Variants in NEXMIF observed in about 807,000 individuals in gnomAD.
NEXMIF encodes the protein XLMR protein related to neurite extension.
In NEXMIF, 8 loss-of-function variants were observed where a neutral mutation model predicts 62.1. That is an observed-to-expected ratio of 0.13 (90% CI 0.08 to 0.23). The LOEUF (loss-of-function observed/expected upper bound fraction) is 0.23, where lower values mean the gene tolerates loss of function less well. Ranked by LOEUF, NEXMIF falls within the 10% of genes least tolerant of loss-of-function variation. The probability of loss-of-function intolerance (pLI) is 1.00; values close to 1 mark genes in which losing one functional copy is unlikely to be tolerated. For synonymous variants in NEXMIF, 404 were observed against 416.6 expected (o/e 0.97, Z 0.37); for missense variants, 976 against 1,113.3 (o/e 0.88, Z 1.75).
At chrX:74,826,946 T>C (rs916070656) in intron 1 of NEXMIF, among the ~76,000 whole-genome samples, 8 of 111,972 alleles carry the variant, frequency 7.1e-5, no homozygotes, top group Non-Finnish European at 1.5e-4. Context: ...TATGGTACAG[T>C]ATAAAATTAG....
chrX:74,835,232 A>C (rs1415619362), intron 1 of NEXMIF, among the ~76,000 whole-genome samples: 2 of 111,820 alleles, frequency 1.8e-5, no homozygotes, highest in Non-Finnish European at 3.8e-5. Flanking sequence ...AATTTCTTTA[A>C]GTTTCCTCAA....
rs746858280 is a variant in NEXMIF at position 74,744,185 on chromosome X, G to A, written c.372C>T (p.Ala124=). 4 of 1,210,762 alleles carry A rather than the reference G, an allele frequency of 3.3e-6. No homozygotes were observed. The highest frequency in any genetic ancestry group is 4.5e-6 in the Non-Finnish European group (4 of 894,905). Residue 124 remains alanine (A), a synonymous_variant, in exon 3 of 4, where the codon GCC becomes GCT. Transcript: ENST00000055682. ...CTGACATGCCTGCAGGCTCCATTAT[G>A]GCAAATGGAGCTTTCTCACATTCAT... ...LPNECEKAPF[A]IMEPAGMSAL... is the part of the protein sequence containing the mutation.
rs1016273586 is a variant in NEXMIF, at chrX:74,925,397, T to C, written c.-562A>G. ...GCTACTGCCGCTAATGCTACTGCTG[T>C]GGCGGCGGTGGTGGCGGCGGCGGCT... On this transcript the variant is annotated 5_prime_UTR_variant, in exon 1 of 4. Transcript: ENST00000055682. 2.1e-5 allele frequency: 4 copies of C among 193,509 alleles called. No homozygotes were observed. The highest frequency in any genetic ancestry group is 4.0e-5 in the Non-Finnish European group (4 of 100,095). 15.9% of individuals were successfully genotyped at this position (193,509 alleles called of 1,213,427 possible).
chrX:74,828,289 T>C (rs2080424872), intron 1 of NEXMIF, among the ~76,000 whole-genome samples: 1 of 111,836 alleles, frequency 8.9e-6, no homozygotes, highest in African/African-American at 3.2e-5. Context: ...GTGGAAGGTA[T>C]TTGGAGTATT....
At chrX:74,888,478 T>C (rs2080705687) in intron 1 of NEXMIF, among the ~76,000 whole-genome samples, 1 of 107,686 alleles carries the variant, frequency 9.3e-6, no homozygotes, top group Non-Finnish European at 1.9e-5. Context: ...CACTCATAAG[T>C]GGGAGTTGAA....
At chrX:74,848,766 T>C (rs1309602486) in intron 1 of NEXMIF, among the ~76,000 whole-genome samples, 5 of 112,071 alleles carry the variant, frequency 4.5e-5, no homozygotes, top group Non-Finnish European at 1.9e-5. Flanking sequence ...TGATGGTATT[T>C]GAAGGTGGGG....
At position 74,736,380 on chromosome X, in the gene NEXMIF, G is replaced by T. The variant is rs981905840; in HGVS notation, c.*3025C>A. On this transcript the variant is annotated 3_prime_UTR_variant, in exon 4 of 4. Transcript: ENST00000055682. Reference sequence around the variant, plus strand: ...TCTGAGATTAAGTAAGAAGAATAAGGGAGGTTACCATTTCCAGGAAAGTAA... The same window carrying T: ...TCTGAGATTAAGTAAGAAGAATAAGTGAGGTTACCATTTCCAGGAAAGTAA... The T allele has an allele frequency of 3.6e-5, 4 of 110,523 alleles. No individual in the cohort carries two copies. In the East Asian group the frequency reaches 8.6e-4, roughly 24 times the overall value. The allele number at this position is 110,523 out of a possible 1,213,427, so 9.1% of individuals were successfully genotyped here. A position where few individuals can be genotyped will look rare whatever the true frequency, so the allele number is the denominator to read the frequency against.
chrX:74,766,791 T>A (rs982367507), intron 1 of NEXMIF, among the ~76,000 whole-genome samples: 1 of 112,247 alleles, frequency 8.9e-6, no homozygotes, highest in African/African-American at 3.2e-5. Context: ...TTGGAGGACA[T>A]AAGACACTCT....
Position 74,739,264 on chromosome X carries a change from T to C in NEXMIF, c.*141A>G. 2.4e-6 allele frequency: 1 copy of C among 420,077 alleles called. No individual in the cohort carries two copies. The highest frequency in any genetic ancestry group is 4.2e-5 in the East Asian group (1 of 23,875). 34.6% of individuals were successfully genotyped at this position (420,077 alleles called of 1,213,427 possible). Reference sequence around the variant, plus strand: ...TAAACTACTTGTGCAACTGTATGACTTTTTAAGTCTTTTACATAGAACATG... The same window carrying C: ...TAAACTACTTGTGCAACTGTATGACCTTTTAAGTCTTTTACATAGAACATG... On this transcript the variant is annotated 3_prime_UTR_variant, in exon 4 of 4. Transcript: ENST00000055682.
At chrX:74,918,835 C>T (rs1353871324) in intron 1 of NEXMIF, among the ~76,000 whole-genome samples, 3 of 112,139 alleles carry the variant, frequency 2.7e-5, no homozygotes, top group Non-Finnish European at 5.6e-5. Flanking sequence ...GCCTGTGGGC[C>T]ATAGTTTCTT....
chrX:74,875,477 A>T (rs1020001325), intron 1 of NEXMIF, among the ~76,000 whole-genome samples: 2 of 111,736 alleles, frequency 1.8e-5, no homozygotes, highest in African/African-American at 6.5e-5. Flanking sequence ...TGTCTCTGCC[A>T]GGCTTTGGTA....
At chrX:74,773,206 C>T (rs1006657250) in intron 1 of NEXMIF, among the ~76,000 whole-genome samples, 2 of 111,780 alleles carry the variant, frequency 1.8e-5, no homozygotes, top group Non-Finnish European at 3.8e-5. Context: ...ACTATATGTC[C>T]ACAATATGGG....
rs2147441298 is a variant in NEXMIF at position 74,743,562 on chromosome X, T to C, written c.995A>G (p.Asp332Gly). 1 of 1,211,502 alleles carries C rather than the reference T, an allele frequency of 8.3e-7. No individual in the cohort carries two copies. The highest frequency in any genetic ancestry group is 1.7e-5 in the African/African-American group (1 of 57,748). ...GCTGGGAAAAAAGTTGAATTGGGCA[T>C]CTTCCTGCATCAAAAGAGTAGTCTT... is the stretch of plus-strand genomic sequence containing the variant. ...RDKTTLLMQEDAQFNFFPSVF... is the reference protein window; with the variant it reads ...RDKTTLLMQEGAQFNFFPSVF... Residue 332 changes from aspartate to glycine, a missense_variant, in exon 3 of 4, where the codon GAT becomes GGT. By Grantham distance (94) the Asp-to-Gly change is moderately conservative. Transcript: ENST00000055682.
intron 1 of NEXMIF, among the ~76,000 whole-genome samples, chrX:74,883,238 G>C (rs1413786775): frequency 2.7e-5 from 3 of 111,888 alleles, no homozygotes; most frequent in African/African-American, 9.8e-5. Context: ...AAATCAGAGT[G>C]CCTCTCCTCC....
chrX:74,773,248 C>T (rs962436587), intron 1 of NEXMIF, among the ~76,000 whole-genome samples: 2 of 112,000 alleles, frequency 1.8e-5, no homozygotes, highest in Non-Finnish European at 3.8e-5. Flanking sequence ...GAGTGATCCT[C>T]TACTAAGCAC....
chrX:74,790,961 C>G (rs78163828), intron 1 of NEXMIF, among the ~76,000 whole-genome samples: 1 of 110,508 alleles, frequency 9.0e-6, no homozygotes, highest in African/African-American at 3.3e-5. Flanking sequence ...AATTGAATAC[C>G]CTTTATCTCC....
At chrX:74,794,468 G>A (rs1247183937) in intron 1 of NEXMIF, among the ~76,000 whole-genome samples, 1 of 111,402 alleles carries the variant, frequency 9.0e-6, no homozygotes, top group Non-Finnish European at 1.9e-5. Flanking sequence ...AGCCTACAGA[G>A]GCAGGCAGGC....
At chrX:74,816,706 T>C (rs776687936) in intron 1 of NEXMIF, among the ~76,000 whole-genome samples, 28 of 111,914 alleles carry the variant, frequency 2.5e-4, no homozygotes, top group African/African-American at 5.5e-4. Context: ...TCAGTAAACA[T>C]AGATTCCTGA....
intron 1 of NEXMIF, among the ~76,000 whole-genome samples, chrX:74,913,294 T>C (rs2080796631): frequency 8.9e-6 from 1 of 111,778 alleles, no homozygotes; most frequent in Non-Finnish European, 1.9e-5. Context: ...TACAACAGAA[T>C]GAAGAAGATG....
Sources: gnomAD v4.1 joint callset for allele counts (sites outside exome capture counted in the v4.1 genomes callset) on GRCh38, gnomAD v4.1.1 for gene constraint, MANE v1.5 for transcripts, NCBI Gene and HGNC (gene_info 2026-07-23, HGNC 2026-07-21) for gene names.